FBXL17: variants seen among roughly 807,000 people sequenced by gnomAD.
The protein encoded by FBXL17 is F-box/LRR-repeat protein 17.
FBXL17 carries 22 observed loss-of-function variants against 66.2 expected under a neutral mutation model. The ratio of observed to expected loss-of-function variants is 0.33; its 90% confidence interval spans 0.24 to 0.47. The LOEUF (loss-of-function observed/expected upper bound fraction) is 0.47, where lower values mean the gene tolerates loss of function less well. Among genes scored for constraint, FBXL17 ranks in the 20% least tolerant of loss-of-function variants. FBXL17 has a pLI of 1.00. For missense variants in FBXL17, 878 were observed against 948.2 expected, an observed-to-expected ratio of 0.93 and a Z score of 0.97; for synonymous variants, 474 against 400.5, an observed-to-expected ratio of 1.18 and a Z score of -2.19.
intron 8 of FBXL17, among the ~76,000 whole-genome samples, chr5:107,866,711 A>C (rs1416777732): frequency 6.6e-6 from 1 of 152,234 alleles, no homozygotes; most frequent in Non-Finnish European, 1.5e-5. Context: ...AGCCATTTAC[A>C]TTAAATGATG....
intron 6 of FBXL17, among the ~76,000 whole-genome samples, chr5:108,067,237 C>T (rs286751): frequency 0.63 from 95,961 of 151,864 alleles, 30,845 homozygotes; most frequent in South Asian, 0.83. Context: ...ATGGTATTAT[C>T]TGAGACATGT....
At chr5:108,374,259 A>G (rs1401950566) in intron 1 of FBXL17, among the ~76,000 whole-genome samples, 1 of 152,244 alleles carries the variant, frequency 6.6e-6, no homozygotes, top group Non-Finnish European at 1.5e-5. Flanking sequence ...TGAAGTGCAT[A>G]AAAACATTCT....
chr5:107,867,254 C>T (rs989250882), intron 8 of FBXL17, among the ~76,000 whole-genome samples: 4 of 152,198 alleles, frequency 2.6e-5, no homozygotes, highest in Non-Finnish European at 5.9e-5. Flanking sequence ...TTTCTGGATA[C>T]ATCTTCCCTA....
intron 6 of FBXL17, among the ~76,000 whole-genome samples, chr5:108,154,436 C>G (rs991543013): frequency 1.3e-5 from 2 of 150,416 alleles, no homozygotes; most frequent in Non-Finnish European, 3.0e-5. Context: ...ACTAAAAACA[C>G]AAAATTAGCT....
chr5:108,015,578 T>C (rs1754352109), intron 7 of FBXL17, among the ~76,000 whole-genome samples: 1 of 152,140 alleles, frequency 6.6e-6, no homozygotes, highest in Non-Finnish European at 1.5e-5. Context: ...TAAAATAACA[T>C]AATAAAGAGC....
At chr5:107,955,152 T>G (rs1278734437) in intron 7 of FBXL17, among the ~76,000 whole-genome samples, 1 of 152,066 alleles carries the variant, frequency 6.6e-6, no homozygotes, top group Non-Finnish European at 1.5e-5. Context: ...ATTTCTTGAT[T>G]TTTTAAAAAA....
chr5:108,276,079 G>A (rs1757470860), intron 4 of FBXL17, among the ~76,000 whole-genome samples: 1 of 152,114 alleles, frequency 6.6e-6, no homozygotes, highest in Non-Finnish European at 1.5e-5. Context: ...AATTATAACT[G>A]GAGGAAAAAT....
chr5:108,158,979 T>A (rs1752104352), intron 6 of FBXL17, among the ~76,000 whole-genome samples: 1 of 152,146 alleles, frequency 6.6e-6, no homozygotes, highest in Admixed American at 6.5e-5. Context: ...AAGTGGAAGA[T>A]ACACCTGGAA....
intron 2 of FBXL17, 61 bp downstream of exon 2, chr5:108,367,770 G>A: frequency 1.5e-6 from 2 of 1,373,404 alleles, no homozygotes; most frequent in Non-Finnish European, 2.0e-6. Context: ...GATTTCTGAA[G>A]AGGAATAAAG....
At chr5:107,892,247 A>G (rs1749219504) in intron 7 of FBXL17, among the ~76,000 whole-genome samples, 1 of 152,144 alleles carries the variant, frequency 6.6e-6, no homozygotes, top group Admixed American at 6.6e-5. Flanking sequence ...GGGGCTGTCT[A>G]TGTGTACATA....
rs140769664 is a variant in FBXL17 at position 108,126,631 on chromosome 5, G to GTCTCTCTCTCTCTCTCTCTCTCTCTCTC, written c.1745+59485_1745+59486insGAGAGAGAGAGAGAGAGAGAGAGAGAGA. On this transcript the variant is annotated intron_variant, in intron 6 of 8. Transcript: ENST00000542267. ...TATAAGATTATCTCTCTGTCTCTCT[G>GTCTCTCTCTCTCTCTCTCTCTCTCTCTC]TCTCTCTCTCTCTCTCTCTCTATAT... Among the ~76,000 whole-genome samples, 68 of 112,444 alleles carry GTCTCTCTCTCTCTCTCTCTCTCTCTCTC rather than the reference G, an allele frequency of 6.0e-4. 1 individual carries two copies. Among genetic ancestry groups the GTCTCTCTCTCTCTCTCTCTCTCTCTCTC allele is most frequent in the Non-Finnish European group, 9.0e-4 (48 of 53,522 alleles). The allele number at this position is 112,444 out of a possible 152,430, so 73.8% of individuals were successfully genotyped here.
At chr5:108,119,008 C>T (rs1264925126) in intron 6 of FBXL17, among the ~76,000 whole-genome samples, 2 of 152,162 alleles carry the variant, frequency 1.3e-5, no homozygotes, top group East Asian at 3.8e-4. Context: ...CTTAGTTCAC[C>T]ACATTTTATT....
At chr5:108,125,543 A>G (rs1750664260) in intron 6 of FBXL17, among the ~76,000 whole-genome samples, 1 of 152,100 alleles carries the variant, frequency 6.6e-6, no homozygotes, top group Non-Finnish European at 1.5e-5. Flanking sequence ...TTTAGAATTT[A>G]TATTTTATGT....
At chr5:108,279,242 A>G (rs933822167) in intron 4 of FBXL17, among the ~76,000 whole-genome samples, 12 of 152,168 alleles carry the variant, frequency 7.9e-5, no homozygotes, top group African/African-American at 2.9e-4. Flanking sequence ...AGGCCCAAGA[A>G]TCAGCATGCC....
intron 4 of FBXL17, among the ~76,000 whole-genome samples, chr5:108,241,851 G>C (rs908318980): frequency 1.3e-5 from 2 of 152,182 alleles, no homozygotes; most frequent in Admixed American, 6.5e-5. Flanking sequence ...TGGGCCAGGA[G>C]AGAGTGGCAT....
intron 7 of FBXL17, among the ~76,000 whole-genome samples, chr5:107,989,443 C>A (rs1420255235): frequency 6.6e-6 from 1 of 152,014 alleles, no homozygotes; most frequent in Non-Finnish European, 1.5e-5. Flanking sequence ...GTTCCTAGTT[C>A]CAACCATGTT....
chr5:108,104,546 A>C (rs765124931), intron 6 of FBXL17, among the ~76,000 whole-genome samples: 2 of 152,210 alleles, frequency 1.3e-5, no homozygotes, highest in Non-Finnish European at 2.9e-5. Flanking sequence ...AGCATTCCTG[A>C]TGGAGAAGAA....
intron 6 of FBXL17, among the ~76,000 whole-genome samples, chr5:108,032,368 T>C (rs1400550430): frequency 6.6e-6 from 1 of 152,016 alleles, no homozygotes; most frequent in Non-Finnish European, 1.5e-5. Flanking sequence ...AAAATACCTG[T>C]AGTAGGCCGA....
chr5:107,957,195 C>T (rs1321684517), intron 7 of FBXL17, among the ~76,000 whole-genome samples: 6 of 152,064 alleles, frequency 3.9e-5, no homozygotes, highest in Non-Finnish European at 8.8e-5. Context: ...GCTGACAGGA[C>T]AAAGGGCCCC....
Sources: gnomAD v4.1 joint callset for allele counts (sites outside exome capture counted in the v4.1 genomes callset) on GRCh38, gnomAD v4.1.1 for gene constraint, MANE v1.5 for transcripts, NCBI Gene and HGNC (gene_info 2026-07-23, HGNC 2026-07-21) for gene names.